The following ABCG2 variants were observed in gnomAD, a reference collection of about 807,000 sequenced individuals.
The protein encoded by ABCG2 is ATP binding cassette subfamily G member 2 (JR blood group), also known as broad substrate specificity ATP-binding cassette transporter ABCG2.
Under a neutral mutation model 73.5 loss-of-function variants are expected in ABCG2, and 80 were observed. The observed-to-expected ratio is 1.09, with a 90% CI of 0.91 to 1.31. The LOEUF is 1.31. Ranked by LOEUF, ABCG2 falls within the 50% of genes most tolerant of loss-of-function variation. ABCG2 has a pLI of 0.00. For missense variants in ABCG2, 796 were observed against 786.2 expected (o/e 1.01, Z -0.15); for synonymous variants, 269 against 282.4 (o/e 0.95, Z 0.48).
chr4:88,231,518 T>C (rs1730464893), upstream of ABCG2, among the ~76,000 whole-genome samples: 1 of 152,114 alleles, frequency 6.6e-6, no homozygotes, highest in South Asian at 2.1e-4. Context: ...TGACAGCATC[T>C]CCAACACAAA....
At chr4:88,184,104 T>C (rs927664898) in intron 1 of ABCG2, among the ~76,000 whole-genome samples, 4 of 152,160 alleles carry the variant, frequency 2.6e-5, no homozygotes, top group African/African-American at 7.2e-5. Flanking sequence ...GCTAGTATCA[T>C]ACTGAATGGG....
At chr4:88,189,571 C>T (rs1297974556) in intron 1 of ABCG2, among the ~76,000 whole-genome samples, 1 of 151,674 alleles carries the variant, frequency 6.6e-6, no homozygotes, top group African/African-American at 2.4e-5. Context: ...TAAAATGCAA[C>T]TGATTTTTCT....
At chr4:88,158,978 C>A, upstream of ABCG2, 2 of 360,174 alleles carry the variant, frequency 5.6e-6, no homozygotes, top group South Asian at 4.1e-5. Context: ...GGCGTGGCCC[C>A]GACTGCCGGG....
chr4:88,185,089 G>A (rs1361312336), intron 1 of ABCG2, among the ~76,000 whole-genome samples: 2 of 152,204 alleles, frequency 1.3e-5, no homozygotes, highest in Admixed American at 6.5e-5. Context: ...ATGGATGGGC[G>A]AGGTGGCTCA....
chr4:88,094,456 A>G (rs1439126537), intron 15 of ABCG2, 121 bp downstream of exon 15: 1 of 762,386 alleles, frequency 1.3e-6, no homozygotes, highest in Non-Finnish European at 2.2e-6. Context: ...TGGATGAGAA[A>G]ACGTAGGCTC....
intron 1 of ABCG2, among the ~76,000 whole-genome samples, chr4:88,204,631 C>T (rs539037059): frequency 1.5e-4 from 23 of 152,292 alleles, no homozygotes; most frequent in South Asian, 1.0e-3. Context: ...TGCACATCTT[C>T]AGTATATTTT....
intron 1 of ABCG2, among the ~76,000 whole-genome samples, chr4:88,144,217 A>G (rs1301742396): frequency 6.6e-6 from 1 of 152,194 alleles, no homozygotes; most frequent in Non-Finnish European, 1.5e-5. Flanking sequence ...CAAAGCCTTA[A>G]GTGAAAGGAA....
intron 7 of ABCG2, among the ~76,000 whole-genome samples, chr4:88,115,635 A>AG (rs1723522775): frequency 6.6e-6 from 1 of 151,422 alleles, no homozygotes; most frequent in Admixed American, 6.6e-5. Context: ...AAAAAAAAAA[A>AG]AAAGAAAGAA....
At chr4:88,109,060 G>A (rs983229259) in intron 9 of ABCG2, among the ~76,000 whole-genome samples, 3 of 149,082 alleles carry the variant, frequency 2.0e-5, no homozygotes, top group South Asian at 2.1e-4. Context: ...GTGCAATGGC[G>A]CGATCTCGGC....
At chr4:88,207,488 C>T (rs1020104931) in intron 1 of ABCG2, among the ~76,000 whole-genome samples, 2 of 152,066 alleles carry the variant, frequency 1.3e-5, no homozygotes, top group African/African-American at 4.8e-5. Context: ...AAGAAATCTG[C>T]TATTGGGTGC....
chr4:88,175,263 C>A (rs1412720050), intron 1 of ABCG2, among the ~76,000 whole-genome samples: 1 of 152,132 alleles, frequency 6.6e-6, no homozygotes, highest in Non-Finnish European at 1.5e-5. Flanking sequence ...TGAGTAGATT[C>A]AAGTCCAATC....
intron 7 of ABCG2, 129 bp downstream of exon 7, chr4:88,117,980 A>C: frequency 1.1e-6 from 1 of 874,552 alleles, no homozygotes; most frequent in Non-Finnish European, 1.7e-6. Context: ...TGGAACAAAC[A>C]CATTTTGAAG....
At chr4:88,224,340 A>C (rs1460948906) in intron 1 of ABCG2, among the ~76,000 whole-genome samples, 1 of 152,152 alleles carries the variant, frequency 6.6e-6, no homozygotes, top group African/African-American at 2.4e-5. Flanking sequence ...AGGGAGGCTA[A>C]AGTGGGAGGA....
intron 1 of ABCG2, among the ~76,000 whole-genome samples, chr4:88,221,694 A>G (rs766915986): frequency 6.6e-6 from 1 of 152,174 alleles, no homozygotes; most frequent in Non-Finnish European, 1.5e-5. Flanking sequence ...GACTGGTGGC[A>G]TTTTGTCCCT....
intron 1 of ABCG2, among the ~76,000 whole-genome samples, chr4:88,228,917 A>G (rs1399914030): frequency 7.5e-6 from 1 of 132,622 alleles, no homozygotes; most frequent in Non-Finnish European, 1.7e-5. Context: ...CTGTCTAGCT[A>G]AAGGATTGTA....
At chr4:88,145,845 G>A (rs922807481) in intron 1 of ABCG2, among the ~76,000 whole-genome samples, 1 of 146,136 alleles carries the variant, frequency 6.8e-6, no homozygotes, top group African/African-American at 2.5e-5. Flanking sequence ...GACGGCAGGA[G>A]AATCGCTTGA....
chr4:88,117,510 G>A lies in ABCG2; in HGVS notation c.841+599C>T, dbSNP rs375152531. ...AAATTAGCCGGGCATGGTTGTGGGCGCCTGCAGTCCCAGCTACTCAGGAGG... is the reference window on the plus strand; with the variant it reads ...AAATTAGCCGGGCATGGTTGTGGGCACCTGCAGTCCCAGCTACTCAGGAGG... On this transcript the variant is annotated intron_variant, in intron 7 of 15. Transcript: ENST00000237612. 3.7e-4 allele frequency among the ~76,000 whole-genome samples: 56 copies of A among 152,052 alleles called. 2 individuals are homozygous for A. The highest frequency in any genetic ancestry group is 1.1e-3 in the Admixed American group (17 of 15,266).
intron 1 of ABCG2, among the ~76,000 whole-genome samples, chr4:88,179,061 A>G (rs979491731): frequency 2.0e-5 from 3 of 151,192 alleles, no homozygotes; most frequent in African/African-American, 7.3e-5. Flanking sequence ...GGTGGTAGAC[A>G]GGCAGTGGTT....
At chr4:88,136,614 T>C (rs1227991043) in intron 2 of ABCG2, among the ~76,000 whole-genome samples, 1 of 152,132 alleles carries the variant, frequency 6.6e-6, no homozygotes, top group Non-Finnish European at 1.5e-5. Context: ...GCTGAGGTGA[T>C]AGGATCACTT....
Sources: allele counts gnomAD v4.1 joint callset (sites outside exome capture counted in the v4.1 genomes callset), GRCh38; gene constraint gnomAD v4.1.1; transcripts MANE v1.5; gene names NCBI Gene and HGNC (gene_info 2026-07-23, HGNC 2026-07-21).